MGRN1: variants seen among roughly 807,000 people sequenced by gnomAD.
The protein encoded by MGRN1 is E3 ubiquitin-protein ligase MGRN1.
Under a neutral mutation model 69.2 loss-of-function variants are expected in MGRN1, and 29 were observed. The ratio of observed to expected loss-of-function variants is 0.42; its 90% confidence interval spans 0.31 to 0.57. The LOEUF is 0.57. Among genes scored for constraint, MGRN1 ranks in the 20% least tolerant of loss-of-function variants. The probability of loss-of-function intolerance (pLI) is 0.15; values close to 1 mark genes in which losing one functional copy is unlikely to be tolerated. For synonymous variants in MGRN1, 470 were observed against 344.2 expected, an observed-to-expected ratio of 1.37 and a Z score of -4.04; for missense variants, 998 against 796.2, an observed-to-expected ratio of 1.25 and a Z score of -3.05.
chr16:4,628,203 G>A lies in MGRN1; in HGVS notation c.88+3155G>A, dbSNP rs192091860. 6.1e-3 allele frequency among the ~76,000 whole-genome samples: 916 copies of A among 151,152 alleles called. 8 individuals carry two copies. Among genetic ancestry groups the A allele is most frequent in the Non-Finnish European group, 9.6e-3 (652 of 67,760 alleles). On this transcript the variant is annotated intron_variant, in intron 1 of 16. Coordinates refer to ENST00000262370, the MANE Select transcript of MGRN1 (RefSeq NM_015246.4). Reference sequence around the variant, plus strand: ...AGATCGAGACCATCCTGGCTAACACGGTGAAACCCCATGTCTACTAAAAAT... The same window carrying A: ...AGATCGAGACCATCCTGGCTAACACAGTGAAACCCCATGTCTACTAAAAAT...
chr16:4,631,380 G>A (rs1897993403), intron 1 of MGRN1, among the ~76,000 whole-genome samples: 1 of 152,102 alleles, frequency 6.6e-6, no homozygotes. Flanking sequence ...GTTTATTTTG[G>A]GACTCTCCAT....
chr16:4,682,685 C>T, intron 13 of MGRN1, 138 bp from the exon 14 acceptor site: 2 of 1,034,984 alleles, frequency 1.9e-6, no homozygotes, highest in South Asian at 5.8e-5. Flanking sequence ...GCTGGTGATG[C>T]CCTTCTCCAG....
At chr16:4,634,050 T>G (rs1226137058) in intron 1 of MGRN1, among the ~76,000 whole-genome samples, 1 of 152,162 alleles carries the variant, frequency 6.6e-6, no homozygotes, top group East Asian at 1.9e-4. Flanking sequence ...CAGCTGCCAT[T>G]GGGGGCAACC....
rs759989890 is a variant in MGRN1, at chr16:4,682,846, C to T, written c.1382C>T (p.Pro461Leu). The change falls in exon 14 of 17, where the codon CCC becomes CTC. Residue 461 changes from proline to leucine, a missense_variant. Pro to Leu is a moderately conservative substitution (Grantham distance 98, BLOSUM62 -3). Coordinates refer to ENST00000262370, the MANE Select transcript of MGRN1 (RefSeq NM_015246.4). Reference sequence around the variant, plus strand: ...AGCACCCTACGGTCCCCGTCTTCCCCCATCCACGAAGAGGATGAGGAGAAG... The same window carrying T: ...AGCACCCTACGGTCCCCGTCTTCCCTCATCCACGAAGAGGATGAGGAGAAG... The part of the protein sequence containing the change: ...PDSTLRSPSS[P>L]IHEEDEEKLS... 36 of 1,601,140 alleles carry T rather than the reference C, an allele frequency of 2.2e-5. No homozygotes were observed. Among genetic ancestry groups the T allele is most frequent in the Non-Finnish European group, 3.0e-5 (35 of 1,170,748 alleles).
rs768668333 is a variant in MGRN1 at position 4,683,220 on chromosome 16, C to T, written c.1483-4C>T. The T allele has an allele frequency of 6.2e-7, 1 of 1,613,692 alleles. No individual in the cohort carries two copies. Among genetic ancestry groups the T allele is most frequent in the Non-Finnish European group, 8.5e-7 (1 of 1,179,964 alleles). On this transcript the variant is annotated splice_polypyrimidine_tract_variant and splice_region_variant and intron_variant, in intron 14 of 16. Coordinates refer to ENST00000262370, the MANE Select transcript of MGRN1 (RefSeq NM_015246.4). ...TCTAGGCTACTTTCCCCTTTGTTTC[C>T]TAGAGTTTCATAACAGAAGAGGTTG...
At chr16:4,688,489 G>A in intron 16 of MGRN1, 1 of 1,162,960 alleles carries the variant, frequency 8.6e-7, no homozygotes, top group Non-Finnish European at 1.1e-6. Flanking sequence ...ACCAGGGCAA[G>A]GGCAGGAGGC....
chr16:4,671,555 C>A, intron 9 of MGRN1, 96 bp downstream of exon 9: 1 of 1,109,760 alleles, frequency 9.0e-7, no homozygotes, highest in Non-Finnish European at 1.4e-6. Context: ...TCCATGCCTT[C>A]CCCTGGAGTC....
intron 8 of MGRN1, 117 bp downstream of exon 8, chr16:4,668,429 G>T: frequency 1.9e-6 from 2 of 1,049,994 alleles, no homozygotes; most frequent in Middle Eastern, 2.1e-4. Flanking sequence ...ACTCATACAC[G>T]CTCATACACA....
At chr16:4,638,844 G>T (rs1049175689) in intron 1 of MGRN1, among the ~76,000 whole-genome samples, 2 of 152,196 alleles carry the variant, frequency 1.3e-5, no homozygotes, top group African/African-American at 4.8e-5. Context: ...CCCCTTCCTC[G>T]GGTGGGAACG....
At chr16:4,649,569 C>T (rs936481409) in intron 1 of MGRN1, 1 of 152,366 alleles carries the variant, frequency 6.6e-6, no homozygotes, top group Non-Finnish European at 1.5e-5. Flanking sequence ...AAACCTCCCT[C>T]TCCTTTCTTC....
In MGRN1 at chr16:4,686,449, C is replaced by G. The variant is rs531646917; in HGVS notation, c.1619-2347C>G. On this transcript the variant is annotated intron_variant, in intron 16 of 16. Coordinates refer to ENST00000262370, the MANE Select transcript of MGRN1 (RefSeq NM_015246.4). Reference sequence around the variant, plus strand: ...TTCCCAGGGGCCCTGGATTCCGAATCCAGAGCTCTCCAGTGGCTGCTGCAC... The same window carrying G: ...TTCCCAGGGGCCCTGGATTCCGAATGCAGAGCTCTCCAGTGGCTGCTGCAC... The G allele has an allele frequency of 1.3e-5, 18 of 1,426,324 alleles. No homozygotes were observed. The East Asian group carries it at 3.9e-4, about 31-fold the overall frequency. 88.4% of individuals were successfully genotyped at this position (1,426,324 alleles called of 1,614,324 possible).
chr16:4,640,413 A>C (rs1422879068), intron 1 of MGRN1: 5 of 152,286 alleles, frequency 3.3e-5, no homozygotes, highest in Admixed American at 3.3e-4. Context: ...GGGATTTTGC[A>C]GTTTTCATTT....
chr16:4,669,214 A>T (rs976949661), intron 8 of MGRN1: 2 of 152,238 alleles, frequency 1.3e-5, no homozygotes, highest in East Asian at 3.8e-4. Flanking sequence ...TGGGCAGATC[A>T]CTTGAGCCCA....
intron 5 of MGRN1, among the ~76,000 whole-genome samples, chr16:4,661,736 T>G (rs1684624): frequency 0.49 from 74,524 of 152,152 alleles, 18,481 homozygotes; most frequent in East Asian, 0.63. Context: ...GTGTGCGTTG[T>G]TGTCCATCCC....
In MGRN1 at chr16:4,624,970, A is replaced by G; in HGVS notation, c.10A>G (p.Ile4Val). The change falls in exon 1 of 17, where the codon ATT (isoleucine) becomes GTT (valine). Residue 4 changes from isoleucine (I) to valine (V), a missense_variant. Coordinates refer to ENST00000262370, the MANE Select transcript of MGRN1 (RefSeq NM_015246.4). ...GGCAGCGCCGCGCACCATGGGCTCC[A>G]TTCTCAGCCGCCGCATCGCGGGGGT... MGS[I>V]LSRRIAGVED... is the part of the protein sequence containing the mutation. 6.4e-7 allele frequency: 1 copy of G among 1,552,516 alleles called. No individual in the cohort carries two copies.
chr16:4,680,262 C>T (rs2079150546), intron 12 of MGRN1, 165 bp downstream of exon 12: 9 of 682,668 alleles, frequency 1.3e-5, no homozygotes, highest in East Asian at 1.2e-4. Flanking sequence ...TTTGTGGAAC[C>T]GGAAAAGCTC....
At chr16:4,636,362 G>A (rs547840340) in intron 1 of MGRN1, among the ~76,000 whole-genome samples, 1 of 152,178 alleles carries the variant, frequency 6.6e-6, no homozygotes, top group African/African-American at 2.4e-5. Flanking sequence ...GAGATGGGAT[G>A]CAATGGCCGG....
rs1439633098 is a variant in MGRN1, at chr16:4,681,591, G to T, written c.1173G>T (p.Leu391=). The change falls in exon 13 of 17, where the codon CTG becomes CTT. Residue 391 remains leucine, a synonymous_variant. Transcript: ENST00000262370. ...CACCTGGCTACGAGCCCATCTCGCT[G>T]CTCGAGGCGCTCAACGGCCTCCGGG... ...SVPPGYEPIS[L]LEALNGLRAV... The T allele has an allele frequency of 1.2e-6, 2 of 1,613,420 alleles. No individual in the cohort carries two copies. The highest frequency in any genetic ancestry group is 1.7e-6 in the Non-Finnish European group (2 of 1,180,002).
At chr16:4,641,834 T>G (rs982940944) in intron 1 of MGRN1, among the ~76,000 whole-genome samples, 1 of 152,132 alleles carries the variant, frequency 6.6e-6, no homozygotes, top group Non-Finnish European at 1.5e-5. Flanking sequence ...TTGTATTTTT[T>G]GTAGAGACAG....
Sources: gnomAD v4.1 joint callset for allele counts (sites outside exome capture counted in the v4.1 genomes callset) on GRCh38, gnomAD v4.1.1 for gene constraint, MANE v1.5 for transcripts, NCBI Gene and HGNC (gene_info 2026-07-23, HGNC 2026-07-21) for gene names.